Variants in CENPP observed in about 807,000 individuals in gnomAD.
CENPP encodes centromere protein P.
CENPP carries 24 observed loss-of-function variants against 35.6 expected under a neutral mutation model. The ratio of observed to expected loss-of-function variants is 0.67; its 90% confidence interval spans 0.49 to 0.95. CENPP has a LOEUF of 0.95. Among genes scored for constraint, CENPP ranks in the 40% least tolerant of loss-of-function variants. The probability of loss-of-function intolerance (pLI) is 0.00; values close to 1 mark genes in which losing one functional copy is unlikely to be tolerated. For missense variants in CENPP, 332 were observed against 345.3 expected (o/e 0.96, Z 0.31); for synonymous variants, 120 against 125.5 (o/e 0.96, Z 0.29).
intron 4 of CENPP, among the ~76,000 whole-genome samples, chr9:92,359,790 CTTT>C (rs113627157): frequency 7.3e-6 from 1 of 137,220 alleles, no homozygotes; most frequent in African/African-American, 2.7e-5. Flanking sequence ...GGACAGGGTC[CTTT>C]TTTTTTTTTT....
At chr9:92,451,908 T>C (rs1450948411) in intron 5 of CENPP, among the ~76,000 whole-genome samples, 2 of 151,918 alleles carry the variant, frequency 1.3e-5, no homozygotes, top group Non-Finnish European at 2.9e-5. Context: ...TTGTCTGTTA[T>C]TGGTGTATAA....
intron 5 of CENPP, among the ~76,000 whole-genome samples, chr9:92,497,467 A>G (rs894194625): frequency 3.3e-5 from 5 of 152,030 alleles, no homozygotes; most frequent in Admixed American, 2.0e-4. Flanking sequence ...TCTACTGAAA[A>G]TACAAAATTA....
At chr9:92,549,874 G>C (rs995793077) in intron 5 of CENPP, among the ~76,000 whole-genome samples, 1 of 152,174 alleles carries the variant, frequency 6.6e-6, no homozygotes, top group Non-Finnish European at 1.5e-5. Context: ...GCCAGGCTTA[G>C]TAATAATGGC....
chr9:92,549,887 A>G (rs1028967375), intron 5 of CENPP, among the ~76,000 whole-genome samples: 4 of 152,160 alleles, frequency 2.6e-5, no homozygotes, highest in African/African-American at 9.7e-5. Context: ...ATAATGGCCA[A>G]TGTGGACAAA....
chr9:92,465,358 T>G (rs1042018045), intron 5 of CENPP, among the ~76,000 whole-genome samples: 2 of 152,254 alleles, frequency 1.3e-5, no homozygotes, highest in Non-Finnish European at 2.9e-5. Context: ...AAAAAGATCA[T>G]CCTTCATATA....
intron 5 of CENPP, among the ~76,000 whole-genome samples, chr9:92,523,448 C>T (rs1175525730): frequency 1.3e-5 from 2 of 152,054 alleles, no homozygotes; most frequent in African/African-American, 2.4e-5. Context: ...ACCCAAAGCC[C>T]TGTGGCAACA....
chr9:92,452,846 G>T (rs1564327544), intron 5 of CENPP, among the ~76,000 whole-genome samples: 1 of 152,064 alleles, frequency 6.6e-6, no homozygotes, highest in South Asian at 2.1e-4. Context: ...ATGTGTCGAG[G>T]AATTTATCCA....
At chr9:92,490,241 A>T (rs1846145457) in intron 5 of CENPP, among the ~76,000 whole-genome samples, 2 of 152,244 alleles carry the variant, frequency 1.3e-5, no homozygotes, top group South Asian at 4.1e-4. Context: ...TAACTTGGCC[A>T]GGTCCATGGC....
chr9:92,600,133 T>C (rs1251662677), intron 5 of CENPP: 1 of 456,378 alleles, frequency 2.2e-6, no homozygotes, highest in African/African-American at 2.0e-5. Flanking sequence ...GACACTGAAG[T>C]CTGAAGTTTG....
chr9:92,562,257 T>C (rs532282377), intron 5 of CENPP, among the ~76,000 whole-genome samples: 5 of 148,738 alleles, frequency 3.4e-5, no homozygotes, highest in African/African-American at 1.2e-4. Context: ...CAGGCTGGAG[T>C]GCAATGGCGT....
chr9:92,617,776 G>A lies in CENPP; in HGVS notation c.*4627G>A, dbSNP rs1047791953. 6 of 178,868 alleles carry A rather than the reference G, an allele frequency of 3.4e-5. No individual in the cohort carries two copies. Among genetic ancestry groups the A allele is most frequent in the Non-Finnish European group, 7.1e-5 (6 of 84,168 alleles). 11.1% of individuals were successfully genotyped at this position (178,868 alleles called of 1,614,324 possible). ...ATGGGAGGTCGAGAGGAGCATCAGG[G>A]TTTAGGCCGGGAAGCTGTGGCAGCT... is the stretch of plus-strand genomic sequence containing the variant. On this transcript the variant is annotated 3_prime_UTR_variant, in exon 8 of 8. Transcript: ENST00000375587.
At chr9:92,582,994 T>C (rs1301679693) in intron 5 of CENPP, among the ~76,000 whole-genome samples, 1 of 152,206 alleles carries the variant, frequency 6.6e-6, no homozygotes, top group Non-Finnish European at 1.5e-5. Context: ...TGTTGTCTTC[T>C]GCAGAACAGC....
At chr9:92,519,613 C>G (rs1847937634) in intron 5 of CENPP, among the ~76,000 whole-genome samples, 1 of 152,190 alleles carries the variant, frequency 6.6e-6, no homozygotes, top group Non-Finnish European at 1.5e-5. Flanking sequence ...GAGAATGAAG[C>G]TGAATCCCTA....
At chr9:92,478,306 A>AAT (rs1845785978) in intron 5 of CENPP, among the ~76,000 whole-genome samples, 1 of 152,196 alleles carries the variant, frequency 6.6e-6, no homozygotes, top group African/African-American at 2.4e-5. Context: ...AAAGTCAAAC[A>AAT]ATAGCACCTA....
chr9:92,422,084 G>C (rs1157579387), intron 5 of CENPP, among the ~76,000 whole-genome samples: 2 of 150,334 alleles, frequency 1.3e-5, no homozygotes, highest in Non-Finnish European at 3.0e-5. Context: ...AGAGTCTCGT[G>C]CTGTCACCCA....
chr9:92,379,976 T>C (rs1044765006), intron 5 of CENPP, 117 bp downstream of exon 5: 1 of 665,638 alleles, frequency 1.5e-6, no homozygotes, highest in East Asian at 2.7e-5. Context: ...AATATTCTCA[T>C]TGACTTTTGG....
intron 5 of CENPP, among the ~76,000 whole-genome samples, chr9:92,509,127 C>T (rs1410200393): frequency 6.6e-6 from 1 of 151,576 alleles, no homozygotes; most frequent in African/African-American, 2.4e-5. Context: ...CCAGCAATGT[C>T]GAGTGCACAG....
At chr9:92,380,618 G>T (rs1182552123) in intron 5 of CENPP, among the ~76,000 whole-genome samples, 1 of 152,108 alleles carries the variant, frequency 6.6e-6, no homozygotes, top group Non-Finnish European at 1.5e-5. Context: ...AAATCTGTCA[G>T]GCCTAGGATT....
At chr9:92,554,883 G>A (rs1445807382) in intron 5 of CENPP, among the ~76,000 whole-genome samples, 3 of 151,922 alleles carry the variant, frequency 2.0e-5, no homozygotes, top group Non-Finnish European at 2.9e-5. Context: ...TGATCCATCC[G>A]CCTCGGCCTC....
Sources: allele counts gnomAD v4.1 joint callset (sites outside exome capture counted in the v4.1 genomes callset), GRCh38; gene constraint gnomAD v4.1.1; transcripts MANE v1.5; gene names NCBI Gene and HGNC (gene_info 2026-07-23, HGNC 2026-07-21).